The following VPS13B variants were observed in gnomAD, a reference collection of about 807,000 sequenced individuals.
The protein encoded by VPS13B is intermembrane lipid transfer protein VPS13B.
Under a neutral mutation model 426.4 loss-of-function variants are expected in VPS13B, and 285 were observed. The observed-to-expected ratio is 0.67, with a 90% CI of 0.61 to 0.74. VPS13B has a LOEUF of 0.74. Ranked by LOEUF, VPS13B falls within the 30% of genes least tolerant of loss-of-function variation. The pLI is 0.00. For synonymous variants in VPS13B, 1,676 were observed against 1,676.4 expected, an observed-to-expected ratio of 1.00 and a Z score of 0.01; for missense variants, 4,537 against 4,782.6, an observed-to-expected ratio of 0.95 and a Z score of 1.51.
intron 34 of VPS13B, among the ~76,000 whole-genome samples, chr8:99,657,175 A>T (rs1392639442): frequency 6.6e-6 from 1 of 152,010 alleles, no homozygotes; most frequent in African/African-American, 2.4e-5. Context: ...GTAGACTCCT[A>T]AGCTTGGTGC....
At chr8:99,641,353 A>C (rs940624260) in intron 33 of VPS13B, among the ~76,000 whole-genome samples, 1 of 152,176 alleles carries the variant, frequency 6.6e-6, no homozygotes, top group East Asian at 1.9e-4. Flanking sequence ...AAAACCTATA[A>C]ATCAGTTTTA....
intron 35 of VPS13B, among the ~76,000 whole-genome samples, chr8:99,685,040 A>T (rs911645398): frequency 6.6e-6 from 1 of 152,128 alleles, no homozygotes; most frequent in African/African-American, 2.4e-5. Context: ...TGACTTTGTG[A>T]TCCACCCGCC....
At chr8:99,188,165 T>G (rs1483680532) in intron 16 of VPS13B, among the ~76,000 whole-genome samples, 1 of 149,074 alleles carries the variant, frequency 6.7e-6, no homozygotes, top group Non-Finnish European at 1.5e-5. Context: ...AGCTAAAATT[T>G]ACAACATAAA....
At chr8:99,543,584 A>G (rs1225148830) in intron 30 of VPS13B, among the ~76,000 whole-genome samples, 3 of 152,052 alleles carry the variant, frequency 2.0e-5, no homozygotes, top group African/African-American at 7.2e-5. Flanking sequence ...GCTAATATCC[A>G]GAATCTACAA....
chr8:99,213,487 C>G (rs1329843923), intron 17 of VPS13B, among the ~76,000 whole-genome samples: 3 of 151,978 alleles, frequency 2.0e-5, no homozygotes, highest in African/African-American at 7.2e-5. Flanking sequence ...CTGACTTGAC[C>G]TGCTTTTTAG....
rs1203700571 is a variant in VPS13B at position 99,543,450 on chromosome 8, A to C, written c.4746-13000A>C. Among the ~76,000 whole-genome samples, 7 of 151,734 alleles carry C rather than the reference A, an allele frequency of 4.6e-5. No individual in the cohort carries two copies. The South Asian group carries it at 1.2e-3, about 27-fold the overall frequency. Reference sequence around the variant, plus strand: ...CCAAAAGCAATGGCAACAAAAGCCAAAATTGACAAATGGGATCTAATTAAA... The same window carrying C: ...CCAAAAGCAATGGCAACAAAAGCCACAATTGACAAATGGGATCTAATTAAA... On this transcript the variant is annotated intron_variant, in intron 30 of 61. Coordinates refer to ENST00000357162, the MANE Select transcript of VPS13B (RefSeq NM_152564.5).
intron 31 of VPS13B, among the ~76,000 whole-genome samples, chr8:99,557,877 T>G (rs1443146258): frequency 6.6e-6 from 1 of 152,192 alleles, no homozygotes; most frequent in Non-Finnish European, 1.5e-5. Flanking sequence ...ACCTTTATAT[T>G]GTAAAACTAG....
intron 22 of VPS13B, among the ~76,000 whole-genome samples, chr8:99,432,846 T>C (rs1817185713): frequency 6.6e-6 from 1 of 152,156 alleles, no homozygotes; most frequent in Non-Finnish European, 1.5e-5. Flanking sequence ...TGATAAAGTA[T>C]ATAAAAGCAA....
rs186751740 is a variant in VPS13B at position 99,030,495 on chromosome 8, A to G, written c.148-7928A>G. ...GTGTGTGTGTGTGTGTGTGTGTACC[A>G]TGATGTAATGGTGTCCTGTCCAGAA... On this transcript the variant is annotated intron_variant, in intron 2 of 61. Transcript: ENST00000357162. Among the ~76,000 whole-genome samples, 325 of 143,854 alleles carry G rather than the reference A, an allele frequency of 2.3e-3. 1 individual carries two copies. The highest frequency in any genetic ancestry group is 7.9e-3 in the African/African-American group (313 of 39,380). 94.4% of individuals were successfully genotyped at this position (143,854 alleles called of 152,430 possible). A position where few individuals can be genotyped will look rare whatever the true frequency, so the allele number is the denominator to read the frequency against.
At chr8:99,747,858 T>C (rs1447539436) in intron 39 of VPS13B, among the ~76,000 whole-genome samples, 1 of 151,872 alleles carries the variant, frequency 6.6e-6, no homozygotes, top group Non-Finnish European at 1.5e-5. Flanking sequence ...TTTTTTTTTC[T>C]CTTGGGCGGC....
chr8:99,753,497 C>T (rs1810496464), intron 39 of VPS13B, among the ~76,000 whole-genome samples: 1 of 152,118 alleles, frequency 6.6e-6, no homozygotes, highest in African/African-American at 2.4e-5. Context: ...CATTAAAAGA[C>T]ACCATAAACT....
intron 30 of VPS13B, among the ~76,000 whole-genome samples, chr8:99,547,347 A>G (rs146608884): frequency 1.3e-3 from 191 of 152,230 alleles, no homozygotes; most frequent in Middle Eastern, 3.4e-3. Context: ...ATTTACTCTC[A>G]AAATTACTGT....
Position 99,567,534 on chromosome 8 carries a change from G to A in VPS13B, c.4950-8124G>A, listed in dbSNP as rs537296525. 1.2e-4 allele frequency among the ~76,000 whole-genome samples: 18 copies of A among 149,018 alleles called. 1 individual carries two copies. The highest frequency in any genetic ancestry group is 4.2e-4 in the African/African-American group (17 of 40,522). ...TATTTTAACATTATTTAATTTTGCC[G>A]AACTAAATTTATACTGATACTTTCT... is the stretch of plus-strand genomic sequence containing the variant. On this transcript the variant is annotated intron_variant, in intron 31 of 61. Coordinates refer to ENST00000357162, the MANE Select transcript of VPS13B (RefSeq NM_152564.5).
chr8:99,161,860 G>A (rs372325167), intron 15 of VPS13B, among the ~76,000 whole-genome samples: 4 of 151,344 alleles, frequency 2.6e-5, no homozygotes, highest in African/African-American at 9.7e-5. Flanking sequence ...AGCCTCCCGA[G>A]TAGCTAGGAT....
intron 23 of VPS13B, among the ~76,000 whole-genome samples, chr8:99,456,790 A>T (rs192907509): frequency 6.6e-6 from 1 of 152,208 alleles, no homozygotes; most frequent in African/African-American, 2.4e-5. Flanking sequence ...TTTTCATATC[A>T]AGTTAATGCT....
At chr8:99,365,517 T>TTCTTC (rs35880014) in intron 19 of VPS13B, among the ~76,000 whole-genome samples, 40 of 10,046 alleles carry the variant, frequency 4.0e-3, no homozygotes, top group South Asian at 0.018. Context: ...CTTCTTCTTC[T>TTCTTC]TTTTTTTTTT....
chr8:99,524,225 A>G (rs1822526560), intron 30 of VPS13B, among the ~76,000 whole-genome samples: 1 of 152,148 alleles, frequency 6.6e-6, no homozygotes, highest in Non-Finnish European at 1.5e-5. Context: ...AAGTACACCT[A>G]CAAGGTCTAT....
intron 33 of VPS13B, among the ~76,000 whole-genome samples, chr8:99,621,540 A>T (rs1229102101): frequency 6.6e-6 from 1 of 152,128 alleles, no homozygotes; most frequent in Non-Finnish European, 1.5e-5. Flanking sequence ...TTCACTGCTT[A>T]ATTGCTTTAT....
intron 33 of VPS13B, among the ~76,000 whole-genome samples, chr8:99,594,723 G>A (rs1409310134): frequency 6.6e-6 from 1 of 151,882 alleles, no homozygotes; most frequent in Non-Finnish European, 1.5e-5. Flanking sequence ...TTATTCCTCA[G>A]GTAAATGAGA....
Sources: gnomAD v4.1 joint callset for allele counts (sites outside exome capture counted in the v4.1 genomes callset) on GRCh38, gnomAD v4.1.1 for gene constraint, MANE v1.5 for transcripts, NCBI Gene and HGNC (gene_info 2026-07-23, HGNC 2026-07-21) for gene names.